The following UNC13C variants were observed in gnomAD, a reference collection of about 807,000 sequenced individuals.
The protein encoded by UNC13C is protein unc-13 homolog C.
Under a neutral mutation model 245.4 loss-of-function variants are expected in UNC13C, and 174 were observed. That is an observed-to-expected ratio of 0.71 (90% CI 0.63 to 0.80). UNC13C has a LOEUF of 0.80. Ranked by LOEUF, UNC13C falls within the 30% of genes least tolerant of loss-of-function variation. The probability of loss-of-function intolerance (pLI) is 0.00; values close to 1 mark genes in which losing one functional copy is unlikely to be tolerated. For missense variants in UNC13C, 2,829 were observed against 2,602.9 expected (o/e 1.09, Z -1.89); for synonymous variants, 992 against 895.1 (o/e 1.11, Z -1.93).
At chr15:54,524,783 T>A (rs1235978800) in intron 24 of UNC13C, among the ~76,000 whole-genome samples, 1 of 152,216 alleles carries the variant, frequency 6.6e-6, no homozygotes, top group East Asian at 1.9e-4. Context: ...CCTGTCCTCT[T>A]CTTTTCAATA....
intron 2 of UNC13C, among the ~76,000 whole-genome samples, chr15:54,083,042 A>C (rs1162989223): frequency 6.6e-6 from 1 of 152,104 alleles, no homozygotes; most frequent in Non-Finnish European, 1.5e-5. Context: ...TTCAGGCTGC[A>C]TTCCAGTAGG....
intron 4 of UNC13C, among the ~76,000 whole-genome samples, chr15:54,199,448 C>T (rs2034454016): frequency 1.3e-5 from 2 of 152,082 alleles, no homozygotes; most frequent in Admixed American, 1.3e-4. Context: ...CGTAAAGCAT[C>T]AGGTAACCTA....
At position 54,447,107 on chromosome 15, in the gene UNC13C, G is replaced by T. The variant is rs186995108; in HGVS notation, c.4933+32040G>T. 1.8e-4 allele frequency among the ~76,000 whole-genome samples: 28 copies of T among 152,232 alleles called. No homozygotes were observed. The East Asian group carries it at 3.5e-3, about 19-fold the overall frequency. On this transcript the variant is annotated intron_variant, in intron 19 of 32. Coordinates refer to ENST00000260323, the MANE Select transcript of UNC13C (RefSeq NM_001080534.3). The stretch of plus-strand genomic sequence containing the variant: ...CTGGATTACGTTTATTGATTTGCAT[G>T]TGTTGAACCAGCCTTGCATCCCAGG...
At chr15:54,479,599 C>A (rs1333511331) in intron 19 of UNC13C, among the ~76,000 whole-genome samples, 1 of 152,010 alleles carries the variant, frequency 6.6e-6, no homozygotes, top group South Asian at 2.1e-4. Flanking sequence ...ATAACTTACT[C>A]CTGTCATTTT....
the UNC13C span, among the ~76,000 whole-genome samples, chr15:53,883,209 G>A: frequency 1.3e-5 from 2 of 152,034 alleles, no homozygotes; most frequent in Non-Finnish European, 2.9e-5. Context: ...TTACTATGAG[G>A]CTTTAATATC....
intron 19 of UNC13C, among the ~76,000 whole-genome samples, chr15:54,431,000 C>T (rs964026492): frequency 2.6e-5 from 4 of 151,774 alleles, no homozygotes; most frequent in African/African-American, 9.7e-5. Flanking sequence ...AGATGGTACA[C>T]CCAAAGCAGT....
chr15:54,408,050 A>C (rs1332290296), intron 18 of UNC13C, among the ~76,000 whole-genome samples: 7 of 151,530 alleles, frequency 4.6e-5, no homozygotes, highest in African/African-American at 1.7e-4. Context: ...AAATACAAAA[A>C]ATTAGCCGGG....
intron 4 of UNC13C, among the ~76,000 whole-genome samples, chr15:54,172,934 ATTTACTT>A (rs1468289148): frequency 7.9e-5 from 12 of 150,972 alleles, no homozygotes. Flanking sequence ...AGGAAATAAG[ATTTACTT>A]TTGCTTATAT....
intron 1 of UNC13C, among the ~76,000 whole-genome samples, chr15:53,985,698 T>C (rs545057305): frequency 6.6e-6 from 1 of 152,128 alleles, no homozygotes; most frequent in South Asian, 2.1e-4. Context: ...CGGATTTTTA[T>C]TAGTAGGGGA....
At chr15:53,958,523 T>C in the UNC13C span, among the ~76,000 whole-genome samples, 1 of 152,158 alleles carries the variant, frequency 6.6e-6, no homozygotes, top group Non-Finnish European at 1.5e-5. Flanking sequence ...TTCAGCTTAT[T>C]GAGGAGGAAA....
At chr15:53,939,408 A>T in the UNC13C span, among the ~76,000 whole-genome samples, 1 of 152,314 alleles carries the variant, frequency 6.6e-6, no homozygotes. Flanking sequence ...TACCAGAGGT[A>T]CAAAGAAGAG....
intron 17 of UNC13C, among the ~76,000 whole-genome samples, chr15:54,381,217 T>C (rs931101365): frequency 1.3e-5 from 2 of 152,168 alleles, no homozygotes; most frequent in South Asian, 2.1e-4. Flanking sequence ...GAAGAGATTG[T>C]CCTTTAACTA....
Position 54,368,848 on chromosome 15 carries a change from A to G in UNC13C, c.4714-24200A>G, listed in dbSNP as rs8037178. Among the ~76,000 whole-genome samples, 1,343 of 152,268 alleles carry G rather than the reference A, an allele frequency of 8.8e-3. 30 individuals are homozygous for G. Among genetic ancestry groups the G allele is most frequent in the African/African-American group, 0.032 (1,317 of 41,580 alleles). Reference sequence around the variant, plus strand: ...AAACTCTTGTTTTAGTAAATGGAACAGAGTAGGCACTCATTAATTCCAGTA... The same window carrying G: ...AAACTCTTGTTTTAGTAAATGGAACGGAGTAGGCACTCATTAATTCCAGTA... On this transcript the variant is annotated intron_variant, in intron 17 of 32. Coordinates refer to ENST00000260323, the MANE Select transcript of UNC13C (RefSeq NM_001080534.3).
intron 8 of UNC13C, among the ~76,000 whole-genome samples, chr15:54,259,190 T>G (rs2140881395): frequency 6.6e-6 from 1 of 152,292 alleles, no homozygotes; most frequent in Admixed American, 6.5e-5. Flanking sequence ...GGAGATTAGG[T>G]TTCAATATAT....
intron 17 of UNC13C, among the ~76,000 whole-genome samples, chr15:54,342,168 C>G (rs774406550): frequency 4.6e-5 from 7 of 151,900 alleles, no homozygotes; most frequent in Non-Finnish European, 8.8e-5. Flanking sequence ...TCTTGGTTTT[C>G]TTGTCTGTTA....
the UNC13C span, among the ~76,000 whole-genome samples, chr15:53,843,702 G>A: frequency 1.3e-5 from 2 of 152,030 alleles, no homozygotes; most frequent in Non-Finnish European, 2.9e-5. Flanking sequence ...CAAAGTCAAA[G>A]GAGTAAAAGA....
At chr15:53,953,580 A>G in the UNC13C span, among the ~76,000 whole-genome samples, 71 of 152,356 alleles carry the variant, frequency 4.7e-4, 2 homozygotes, top group South Asian at 0.014. Flanking sequence ...ACATGAATGC[A>G]TTACAAATTG....
chr15:54,596,161 G>A (rs1281926514), intron 30 of UNC13C, among the ~76,000 whole-genome samples: 3 of 152,160 alleles, frequency 2.0e-5, no homozygotes, highest in African/African-American at 7.2e-5. Context: ...AACCAGAAAT[G>A]TGTTAAGTTC....
intron 7 of UNC13C, among the ~76,000 whole-genome samples, chr15:54,249,130 T>C (rs2036073232): frequency 6.6e-6 from 1 of 152,182 alleles, no homozygotes; most frequent in Admixed American, 6.5e-5. Context: ...TGCTGGTCTT[T>C]CTCTCAGGAA....
Sources: allele counts gnomAD v4.1 joint callset (sites outside exome capture counted in the v4.1 genomes callset), GRCh38; gene constraint gnomAD v4.1.1; transcripts MANE v1.5; gene names NCBI Gene and HGNC (gene_info 2026-07-23, HGNC 2026-07-21).